The following FABP3 variants were observed in gnomAD, a reference collection of about 807,000 sequenced individuals.
FABP3 encodes the protein fatty acid-binding protein, heart.
FABP3 carries 8 observed loss-of-function variants against 13.4 expected under a neutral mutation model. That is an observed-to-expected ratio of 0.60 (90% CI 0.35 to 1.07). The LOEUF is 1.07. Ranked by LOEUF, FABP3 falls within the 50% of genes least tolerant of loss-of-function variation. The pLI is 0.02. For synonymous variants in FABP3, 64 were observed against 60.0 expected (o/e 1.07, Z -0.31); for missense variants, 135 against 164.7 (o/e 0.82, Z 0.99).
At chr1:31,366,908 G>A (rs1012788198) in intron 3 of FABP3, among the ~76,000 whole-genome samples, 2 of 152,178 alleles carry the variant, frequency 1.3e-5, no homozygotes, top group African/African-American at 4.8e-5. Context: ...AGGGAGGAGA[G>A]GAAAGGGAAT....
At chr1:31,364,019 ATTTTC>A, downstream of FABP3, 2 of 1,606,018 alleles carry the variant, frequency 1.2e-6, no homozygotes, top group African/African-American at 1.4e-5. Context: ...GATTTTTAAA[ATTTTC>A]TTTTCAGGAG....
At chr1:31,360,912 C>A (rs1029372788), downstream of FABP3, among the ~76,000 whole-genome samples, 8 of 152,316 alleles carry the variant, frequency 5.3e-5, no homozygotes, top group South Asian at 1.7e-3. Flanking sequence ...GCTTGATAAA[C>A]TAAAGCACTG....
chr1:31,364,053 A>G (rs1448635348), downstream of FABP3: 1 of 1,612,322 alleles, frequency 6.2e-7, no homozygotes, highest in African/African-American at 1.3e-5. Context: ...AAAGAAACAT[A>G]GAGATAGGAA....
chr1:31,365,877 G>A lies in FABP3; in HGVS notation c.*9C>T. ...TGGCAGAGTAGTAGTCAGCAACAGTGCAGTCAGGTCATGCCTCTTTCTCAT... is the reference window on the plus strand; with the variant it reads ...TGGCAGAGTAGTAGTCAGCAACAGTACAGTCAGGTCATGCCTCTTTCTCAT... On this transcript the variant is annotated 3_prime_UTR_variant, in exon 4 of 4. Coordinates refer to ENST00000373713, the MANE Select transcript of FABP3 (RefSeq NM_004102.5). The A allele has an allele frequency of 6.2e-7, 1 of 1,613,640 alleles. No individual in the cohort carries two copies. Among genetic ancestry groups the A allele is most frequent in the Non-Finnish European group, 8.5e-7 (1 of 1,179,628 alleles).
intron 3 of FABP3, 24 bp from the exon 4 acceptor site, chr1:31,365,963 TG>T (rs766128256): frequency 2.5e-6 from 4 of 1,611,730 alleles, no homozygotes; most frequent in African/African-American, 1.3e-5. Flanking sequence ...CAGAGTGAGA[TG>T]GGGGGTGGAG....
chr1:31,360,400 C>T (rs1160806328), downstream of FABP3, among the ~76,000 whole-genome samples: 1 of 152,248 alleles, frequency 6.6e-6, no homozygotes, highest in Non-Finnish European at 1.5e-5. Flanking sequence ...ACCTCCTGAC[C>T]TCAGGTGATC....
At chr1:31,367,599 C>T in intron 2 of FABP3, 105 bp from the exon 3 acceptor site, 1 of 919,014 alleles carries the variant, frequency 1.1e-6, no homozygotes, top group Admixed American at 1.7e-5. Flanking sequence ...TTGACCCAAA[C>T]TAGTGATGGT....
Position 31,370,402 on chromosome 1 carries a change from A to G in FABP3, c.74-845T>C, listed in dbSNP as rs568448201. On this transcript the variant is annotated intron_variant, in intron 1 of 3. Transcript: ENST00000373713. Reference sequence around the variant, plus strand: ...ATAAGGCTGAGGAAAGAAGAGAAACATAGACTTTCCCTTCCAAAGCCTTAG... The same window carrying G: ...ATAAGGCTGAGGAAAGAAGAGAAACGTAGACTTTCCCTTCCAAAGCCTTAG... 2.0e-5 allele frequency among the ~76,000 whole-genome samples: 3 copies of G among 152,320 alleles called. No individual in the cohort carries two copies. In the East Asian group the frequency reaches 5.8e-4, roughly 29 times the overall value.
At chr1:31,371,607 C>T (rs1012589101) in intron 1 of FABP3, among the ~76,000 whole-genome samples, 2 of 152,186 alleles carry the variant, frequency 1.3e-5, no homozygotes, top group Admixed American at 6.5e-5. Flanking sequence ...TGACCCAACT[C>T]GGGGCAGAAT....
intron 2 of FABP3, among the ~76,000 whole-genome samples, chr1:31,368,679 G>T (rs1640152253): frequency 6.6e-6 from 1 of 152,204 alleles, no homozygotes. Flanking sequence ...TGCCTGGCCT[G>T]GAAGGCTGAG....
At chr1:31,364,167 A>C (rs747342985), downstream of FABP3, 64 of 1,613,462 alleles carry the variant, frequency 4.0e-5, no homozygotes, top group Middle Eastern at 3.4e-4. Context: ...AAAGAAGAAG[A>C]AGCACAAGAA....
In FABP3 at chr1:31,369,507, T is replaced by C. The variant is rs200003616; in HGVS notation, c.124A>G (p.Ile42Val). The stretch of plus-strand genomic sequence containing the variant: ...AGAATGTCCCCATTCTTTTCGATGA[T>C]TGTGGTAGGCTTGGTCATGCTGGCC... ...QVASMTKPTT[I>V]IEKNGDILTL... Residue 42 changes from isoleucine to valine, a missense_variant, in exon 2 of 4, where the codon ATC (isoleucine) becomes GTC (valine). Ile to Val is a conservative substitution (Grantham distance 29). Coordinates refer to ENST00000373713, the MANE Select transcript of FABP3 (RefSeq NM_004102.5). 1 of 1,614,146 alleles carries C rather than the reference T, an allele frequency of 6.2e-7. No homozygotes were observed. The highest frequency in any genetic ancestry group is 8.5e-7 in the Non-Finnish European group (1 of 1,180,028).
At position 31,369,439 on chromosome 1, in the gene FABP3, G is replaced by A. The variant is rs1184549491; in HGVS notation, c.192C>T (p.Ser64=). The stretch of plus-strand genomic sequence containing the variant: ...CATCGAACTCCACCCCCAACTTAAA[G>A]CTGATCTCTGTGTTCTTGAAGGTGC... The part of the protein sequence containing the change: ...THSTFKNTEI[S]FKLGVEFDET... Residue 64 remains serine, a synonymous_variant, in exon 2 of 4, where the codon AGC becomes AGT. Coordinates refer to ENST00000373713, the MANE Select transcript of FABP3 (RefSeq NM_004102.5). 1.2e-6 allele frequency: 2 copies of A among 1,614,114 alleles called. No individual in the cohort carries two copies.
chr1:31,361,827 T>TTATC (rs1412672129), downstream of FABP3, among the ~76,000 whole-genome samples: 3 of 149,066 alleles, frequency 2.0e-5, no homozygotes, highest in East Asian at 6.0e-4. Flanking sequence ...ATTTATTTAT[T>TTATC]TTGAGACAGG....
At chr1:31,362,815 T>C (rs1639966659), downstream of FABP3, among the ~76,000 whole-genome samples, 1 of 152,182 alleles carries the variant, frequency 6.6e-6, no homozygotes, top group Non-Finnish European at 1.5e-5. Flanking sequence ...AGCTTTAATG[T>C]CCTGCACTTT....
rs534545556 is a variant in FABP3 at position 31,372,962 on chromosome 1, T to C, written c.53A>G (p.Asp18Gly). Residue 18 changes from aspartate to glycine, a missense_variant, in exon 1 of 4, where the codon GAT (aspartate) becomes GGT (glycine). Physicochemically the swap from Asp to Gly is moderately conservative, Grantham distance 94. Transcript: ENST00000373713. ...TWKLVDSKNF[D>G]DYMKSLGVGF... The stretch of plus-strand genomic sequence containing the variant: ...CTCACCGAGTGACTTCATGTAGTCA[T>C]CGAAATTCTTGCTGTCCACTAGCTT... 9 of 1,613,814 alleles carry C rather than the reference T, an allele frequency of 5.6e-6. No individual in the cohort carries two copies. The South Asian group carries it at 9.9e-5, about 18-fold the overall frequency.
chr1:31,360,229 G>A, the FABP3 span, among the ~76,000 whole-genome samples: 2 of 151,462 alleles, frequency 1.3e-5, no homozygotes, highest in African/African-American at 4.9e-5. Context: ...GAGTGCAGTG[G>A]CGCGATCTTG....
downstream of FABP3, among the ~76,000 whole-genome samples, chr1:31,361,355 C>G (rs192678480): frequency 2.6e-5 from 4 of 152,354 alleles, no homozygotes; most frequent in Admixed American, 6.5e-5. Context: ...ATACATATAG[C>G]TCCCACTAAG....
chr1:31,368,585 T>C (rs1640151019), intron 2 of FABP3, among the ~76,000 whole-genome samples: 1 of 152,138 alleles, frequency 6.6e-6, no homozygotes, highest in Non-Finnish European at 1.5e-5. Context: ...AAACAGCTGA[T>C]GGGGCTGAAT....
Sources: allele counts gnomAD v4.1 joint callset (sites outside exome capture counted in the v4.1 genomes callset), GRCh38; gene constraint gnomAD v4.1.1; transcripts MANE v1.5; gene names NCBI Gene and HGNC (gene_info 2026-07-23, HGNC 2026-07-21).